The following SORCS3 variants were observed in gnomAD, a reference collection of about 807,000 sequenced individuals.
The protein encoded by SORCS3 is VPS10 domain-containing receptor SorCS3.
SORCS3 carries 57 observed loss-of-function variants against 146.3 expected under a neutral mutation model. That is an observed-to-expected ratio of 0.39 (90% CI 0.31 to 0.49). The LOEUF is 0.49. SORCS3 is among the 20% of genes least tolerant of loss of function. The pLI is 0.92. For synonymous variants in SORCS3, 653 were observed against 618.5 expected (o/e 1.06, Z -0.83); for missense variants, 1,341 against 1,575.5 (o/e 0.85, Z 2.52).
At chr10:105,100,817 C>G (rs146974926) in intron 6 of SORCS3, among the ~76,000 whole-genome samples, 3 of 152,322 alleles carry the variant, frequency 2.0e-5, no homozygotes, top group Admixed American at 1.3e-4. Context: ...TAAAAAATAA[C>G]TAACATTTAT....
chr10:105,089,646 T>A (rs1193412818), intron 5 of SORCS3, 129 bp from the exon 6 acceptor site: 1 of 712,082 alleles, frequency 1.4e-6, no homozygotes, highest in Non-Finnish European at 2.5e-6. Context: ...TTCTGCTGGT[T>A]CCCATACTGC....
At chr10:104,793,645 T>G (rs2017518594) in intron 1 of SORCS3, among the ~76,000 whole-genome samples, 1 of 152,178 alleles carries the variant, frequency 6.6e-6, no homozygotes, top group South Asian at 2.1e-4. Context: ...TATTTTTCTC[T>G]ACATGCTGGG....
In SORCS3 at chr10:104,649,638, T is replaced by C. The variant is rs1324331294; in HGVS notation, c.627+7684T>C. On this transcript the variant is annotated intron_variant, in intron 1 of 26. Coordinates refer to ENST00000369701, the MANE Select transcript of SORCS3 (RefSeq NM_014978.3). The stretch of plus-strand genomic sequence containing the variant: ...AGTTCATGTCCCCAGTCAATGAGTC[T>C]TTGCCATGTCTATCTTTTATGTCGT... 2.0e-5 allele frequency among the ~76,000 whole-genome samples: 3 copies of C among 152,214 alleles called. No homozygotes were observed. In the East Asian group the frequency reaches 5.8e-4, roughly 29 times the overall value.
chr10:104,684,546 G>C (rs1203093552), intron 1 of SORCS3, among the ~76,000 whole-genome samples: 2 of 152,148 alleles, frequency 1.3e-5, no homozygotes, highest in East Asian at 3.9e-4. Context: ...ATTGGCAGGG[G>C]CTGCGGTGTG....
intron 4 of SORCS3, among the ~76,000 whole-genome samples, chr10:105,019,421 A>G (rs747997478): frequency 3.3e-5 from 5 of 151,622 alleles, no homozygotes; most frequent in Non-Finnish European, 5.9e-5. Context: ...CTCTTCATAT[A>G]CTTCATGTTT....
chr10:104,920,733 A>G (rs1431685475), intron 3 of SORCS3, among the ~76,000 whole-genome samples: 3 of 152,214 alleles, frequency 2.0e-5, no homozygotes, highest in Non-Finnish European at 4.4e-5. Context: ...TGAGCAGGGT[A>G]TAATCATTTC....
At chr10:105,023,355 A>C (rs1197446024) in intron 4 of SORCS3, among the ~76,000 whole-genome samples, 2 of 152,142 alleles carry the variant, frequency 1.3e-5, no homozygotes, top group Non-Finnish European at 2.9e-5. Flanking sequence ...GCTGCTCCTG[A>C]AATTGCTTGG....
chr10:104,683,911 T>C (rs888674441), intron 1 of SORCS3, among the ~76,000 whole-genome samples: 3 of 152,182 alleles, frequency 2.0e-5, no homozygotes, highest in African/African-American at 7.2e-5. Flanking sequence ...GGCCCTCTCA[T>C]TGAGTTATAA....
intron 1 of SORCS3, among the ~76,000 whole-genome samples, chr10:104,829,708 G>C (rs1268980365): frequency 6.6e-6 from 1 of 151,964 alleles, no homozygotes; most frequent in African/African-American, 2.4e-5. Flanking sequence ...CAAATCCAAT[G>C]GTTGATTTTT....
rs558624429 is a variant in SORCS3 at position 105,090,590 on chromosome 10, A to G, written c.1093+751A>G. On this transcript the variant is annotated intron_variant, in intron 6 of 26. Transcript: ENST00000369701. ...ATATATAAAAATATAATTAGCATAG[A>G]TTGAGAACAGAGCCAAATAATCTAC... Among the ~76,000 whole-genome samples, 130 of 152,356 alleles carry G rather than the reference A, an allele frequency of 8.5e-4. 1 individual carries two copies. The highest frequency in any genetic ancestry group is 3.9e-3 in the South Asian group (19 of 4,830).
intron 1 of SORCS3, among the ~76,000 whole-genome samples, chr10:104,828,413 T>A (rs2017962953): frequency 6.6e-6 from 1 of 152,098 alleles, no homozygotes; most frequent in Non-Finnish European, 1.5e-5. Context: ...CAGTCAAAAC[T>A]TGCACATTTG....
intron 1 of SORCS3, among the ~76,000 whole-genome samples, chr10:104,757,388 GA>G (rs1305071117): frequency 2.0e-5 from 3 of 152,184 alleles, no homozygotes; most frequent in Admixed American, 2.0e-4. Context: ...ACTGCAGGTG[GA>G]TCTTCATCTC....
chr10:105,178,582 C>G (rs1410009888), intron 14 of SORCS3, among the ~76,000 whole-genome samples: 1 of 151,520 alleles, frequency 6.6e-6, no homozygotes, highest in Non-Finnish European at 1.5e-5. Context: ...TAAGAGATGT[C>G]TCTTTCTCTC....
intron 4 of SORCS3, among the ~76,000 whole-genome samples, chr10:105,021,305 T>C (rs2055196316): frequency 6.6e-6 from 1 of 152,086 alleles, no homozygotes; most frequent in African/African-American, 2.4e-5. Flanking sequence ...GAAATCAAAC[T>C]CTCAGCCTTA....
chr10:105,018,453 A>G (rs899424637), intron 4 of SORCS3, among the ~76,000 whole-genome samples: 1 of 152,146 alleles, frequency 6.6e-6, no homozygotes, highest in East Asian at 1.9e-4. Flanking sequence ...TGCAAATCAC[A>G]TGAACTAATT....
chr10:104,940,239 T>TATATATATATATATAAATA (rs1554861474), intron 3 of SORCS3, among the ~76,000 whole-genome samples: 1 of 14,512 alleles, frequency 6.9e-5, no homozygotes, highest in East Asian at 2.0e-3. Context: ...TATATATATA[T>TATATATATATATATAAATA]TTTTTTTTTT....
chr10:104,940,228 ATATATATATATTTT>A (rs1274801012), intron 3 of SORCS3, among the ~76,000 whole-genome samples: 63 of 34,196 alleles, frequency 1.8e-3, no homozygotes, highest in African/African-American at 7.0e-3. Flanking sequence ...ATATATATAT[ATATATATATATTTT>A]TTTTTTTTTT....
chr10:104,738,610 C>T (rs1009099147), intron 1 of SORCS3, among the ~76,000 whole-genome samples: 4 of 152,170 alleles, frequency 2.6e-5, no homozygotes, highest in African/African-American at 7.2e-5. Flanking sequence ...GTTCCGTGTT[C>T]CCTCCTGGCA....
intron 1 of SORCS3, among the ~76,000 whole-genome samples, chr10:104,822,533 G>A (rs570736491): frequency 4.6e-5 from 7 of 152,252 alleles, no homozygotes; most frequent in Middle Eastern, 3.4e-3. Flanking sequence ...ACCATCAGCC[G>A]CTGGAGGTTC....
Sources: gnomAD v4.1 joint callset for allele counts (sites outside exome capture counted in the v4.1 genomes callset) on GRCh38, gnomAD v4.1.1 for gene constraint, MANE v1.5 for transcripts, NCBI Gene and HGNC (gene_info 2026-07-23, HGNC 2026-07-21) for gene names.